Variants in AQR observed in about 807,000 individuals in gnomAD.
AQR encodes aquarius intron-binding spliceosomal factor, also known as RNA helicase aquarius.
Under a neutral mutation model 180.5 loss-of-function variants are expected in AQR, and 61 were observed. The ratio of observed to expected loss-of-function variants is 0.34; its 90% CI spans 0.28 to 0.42. The LOEUF is 0.42. Among genes scored for constraint, AQR ranks in the 10% least tolerant of loss-of-function variants. The probability of loss-of-function intolerance (pLI) is 1.00; values close to 1 mark genes in which losing one functional copy is unlikely to be tolerated. For synonymous variants in AQR, 551 were observed against 588.8 expected (o/e 0.94, Z 0.93); for missense variants, 1,281 against 1,798.3 (o/e 0.71, Z 5.20).
intron 33 of AQR, among the ~76,000 whole-genome samples, chr15:34,860,542 C>T (rs1012706369): frequency 1.3e-5 from 2 of 151,998 alleles, no homozygotes; most frequent in Admixed American, 6.6e-5. Flanking sequence ...TTTTAGTTTA[C>T]TATCTAATAT....
At chr15:34,958,128 G>A (rs1161899298) in intron 3 of AQR, among the ~76,000 whole-genome samples, 1 of 152,002 alleles carries the variant, frequency 6.6e-6, no homozygotes, top group Non-Finnish European at 1.5e-5. Context: ...GAATGGCGTG[G>A]ACCCGGGAGG....
chr15:34,885,218 C>T (rs921186343), intron 25 of AQR, among the ~76,000 whole-genome samples: 5 of 152,126 alleles, frequency 3.3e-5, no homozygotes, highest in Admixed American at 6.5e-5. Context: ...TTATAAAGAA[C>T]GTCTGGTTAA....
chr15:34,905,062 CTT>C (rs1439857872), intron 18 of AQR, among the ~76,000 whole-genome samples: 1 of 121,858 alleles, frequency 8.2e-6, no homozygotes, highest in East Asian at 2.4e-4. Flanking sequence ...AGCCCAGAGC[CTT>C]TTCTTTCCTC....
At chr15:34,943,492 T>C in intron 6 of AQR, 1 of 464,026 alleles carries the variant, frequency 2.2e-6, no homozygotes, top group Admixed American at 4.2e-5. Flanking sequence ...AAAATAAATG[T>C]TAAAGAGATA....
Position 34,886,584 on chromosome 15 carries a change from C to T in AQR, c.2759G>A (p.Gly920Glu). 1 of 1,613,916 alleles carries T rather than the reference C, an allele frequency of 6.2e-7. No homozygotes were observed. ...EEVKRLQKSL[G>E]VPGDASYTCE... ...GGTATATGAGGCATCTCCTGGAACC[C>T]CTAGACTCTTTTGCAATCGTTTGAC... is the stretch of plus-strand genomic sequence containing the variant. The change falls in exon 25 of 35, where the codon GGG becomes GAG. Residue 920 changes from glycine (G) to glutamate (E), a missense_variant. Around this residue, in one of 9 missense-constraint regions of AQR, gnomAD observed 125 missense variants for 185.0 expected, o/e 0.68. Transcript: ENST00000156471.
intron 28 of AQR, among the ~76,000 whole-genome samples, 197 bp downstream of exon 28, chr15:34,875,738 G>A (rs1198418014): frequency 3.9e-5 from 6 of 152,008 alleles, no homozygotes; most frequent in Admixed American, 2.6e-4. Context: ...AGTACTTCTC[G>A]AAGCAAAACA....
intron 27 of AQR, among the ~76,000 whole-genome samples, chr15:34,877,842 C>T (rs1213518098): frequency 6.6e-6 from 1 of 152,144 alleles, no homozygotes; most frequent in Non-Finnish European, 1.5e-5. Context: ...CTTGATGCTG[C>T]AGGCCAGGGA....
At chr15:34,948,492 G>C (rs1460097230) in intron 4 of AQR, 108 bp from the exon 5 acceptor site, 5 of 1,395,080 alleles carry the variant, frequency 3.6e-6, no homozygotes, top group Non-Finnish European at 3.8e-6. Context: ...AAAATATTTT[G>C]GAAATCTCTA....
At chr15:34,918,585 C>T (rs1363898387) in intron 14 of AQR, among the ~76,000 whole-genome samples, 1 of 152,174 alleles carries the variant, frequency 6.6e-6, no homozygotes, top group Admixed American at 6.5e-5. Flanking sequence ...GAGTTCAAAT[C>T]CCAGCTCCTC....
intron 27 of AQR, among the ~76,000 whole-genome samples, chr15:34,877,651 TG>T (rs1442039628): frequency 6.6e-6 from 1 of 152,216 alleles, no homozygotes; most frequent in Non-Finnish European, 1.5e-5. Flanking sequence ...AAATCAATTC[TG>T]AAAATATAAT....
intron 9 of AQR, among the ~76,000 whole-genome samples, chr15:34,936,858 G>C (rs899054028): frequency 6.6e-6 from 1 of 152,042 alleles, no homozygotes; most frequent in Non-Finnish European, 1.5e-5. Context: ...TCCATAGTTA[G>C]AGATATCAAT....
At chr15:34,863,125 G>T in intron 32 of AQR, 84 bp from the exon 33 acceptor site, 1 of 1,298,962 alleles carries the variant, frequency 7.7e-7, no homozygotes, top group East Asian at 2.5e-5. Context: ...GATTTCATTA[G>T]ATAGTCCTGT....
Position 34,862,788 on chromosome 15 carries a change from C to A in AQR, c.4029+79G>T, listed in dbSNP as rs1313127414. 4 of 1,440,626 alleles carry A rather than the reference C, an allele frequency of 2.8e-6. No individual in the cohort carries two copies. In the African/African-American group the frequency reaches 4.3e-5, roughly 15 times the overall value. The allele number at this position is 1,440,626 out of a possible 1,614,324, so 89.2% of individuals were successfully genotyped here. A position where few individuals can be genotyped will look rare whatever the true frequency, so the allele number is the denominator to read the frequency against. ...AAATTATCTATAATAATGTTCCAAGCTAATGTGGTCACCTATAAGAAAATC... is the reference window on the plus strand; with the variant it reads ...AAATTATCTATAATAATGTTCCAAGATAATGTGGTCACCTATAAGAAAATC... On this transcript the variant is annotated intron_variant, in intron 33 of 34. Transcript: ENST00000156471.
chr15:34,893,319 T>G (rs1358576309), intron 23 of AQR, among the ~76,000 whole-genome samples: 2 of 152,044 alleles, frequency 1.3e-5, no homozygotes, highest in African/African-American at 4.8e-5. Context: ...TGGCTAAAAC[T>G]TAAGCTTTTC....
intron 15 of AQR, among the ~76,000 whole-genome samples, chr15:34,918,033 T>C (rs574121298): frequency 3.7e-4 from 57 of 152,166 alleles, no homozygotes; most frequent in African/African-American, 1.3e-3. Context: ...TATGGTCGTA[T>C]TTTTTACAGG....
chr15:34,934,672 A>T, intron 9 of AQR, 37 bp from the exon 10 acceptor site: 1 of 1,430,406 alleles, frequency 7.0e-7, no homozygotes, highest in South Asian at 1.4e-5. Context: ...GAATTTCCTT[A>T]CTAGGCCATT....
chr15:34,946,929 G>A (rs557025566), intron 5 of AQR, among the ~76,000 whole-genome samples: 80 of 150,340 alleles, frequency 5.3e-4, no homozygotes, highest in African/African-American at 1.5e-3. Flanking sequence ...CCATCCGGGA[G>A]GTGAGGGGCG....
At chr15:34,943,221 T>C in intron 6 of AQR, 1 of 1,610,480 alleles carries the variant, frequency 6.2e-7, no homozygotes. Flanking sequence ...GCAGAGTGGC[T>C]ATGGTGGGCA....
intron 32 of AQR, 136 bp downstream of exon 32, chr15:34,867,388 C>A: frequency 1.5e-6 from 1 of 673,888 alleles, no homozygotes. Flanking sequence ...TGTTACATTC[C>A]AACAAAAAGC....
Sources: allele counts gnomAD v4.1 joint callset (sites outside exome capture counted in the v4.1 genomes callset), GRCh38; gene constraint gnomAD v4.1.1; regional missense constraint gnomAD v4.1.1; transcripts MANE v1.5; gene names NCBI Gene and HGNC (gene_info 2026-07-23, HGNC 2026-07-21).